Variants in PHC2 observed in about 807,000 individuals in gnomAD.
PHC2 encodes polyhomeotic homolog 2.
A neutral mutation model predicts 87.4 loss-of-function variants in PHC2; 29 were observed. The ratio of observed to expected loss-of-function variants is 0.33; its 90% CI spans 0.25 to 0.45. The LOEUF is 0.45. Among genes scored for constraint, PHC2 ranks in the 20% least tolerant of loss-of-function variants. PHC2 has a pLI of 1.00. For missense variants in PHC2, 857 were observed against 1,136.7 expected, an observed-to-expected ratio of 0.75 and a Z score of 3.54; for synonymous variants, 438 against 461.7, an observed-to-expected ratio of 0.95 and a Z score of 0.66.
At position 33,420,475 on chromosome 1, in the gene PHC2, A is replaced by G. The variant is rs148598846; in HGVS notation, c.-55+10501T>C. 3.9e-3 allele frequency among the ~76,000 whole-genome samples: 594 copies of G among 152,298 alleles called. 3 individuals carry two copies. Among genetic ancestry groups the G allele is most frequent in the Admixed American group, 7.6e-3 (116 of 15,302 alleles). ...ATTGAAAAAAATCAGCTCACTCTTA[A>G]TGACCACAGGTACTGGAACTCAAAG... On this transcript the variant is annotated intron_variant, in intron 1 of 14. Coordinates refer to ENST00000683057, the MANE Select transcript of PHC2 (RefSeq NM_001385109.1).
chr1:33,325,525 A>G (rs527769830), intron 14 of PHC2: 82 of 199,330 alleles, frequency 4.1e-4, no homozygotes, highest in Non-Finnish European at 6.6e-4. Context: ...GACCTCAGAC[A>G]CTGCAGCCTG....
In PHC2 at chr1:33,425,359, A is replaced by G. The variant is rs556486258; in HGVS notation, c.-55+5617T>C. Among the ~76,000 whole-genome samples, 4 of 152,368 alleles carry G rather than the reference A, an allele frequency of 2.6e-5. No individual in the cohort carries two copies. In the South Asian group the frequency reaches 8.3e-4, roughly 32 times the overall value. Reference sequence around the variant, plus strand: ...GAAACAAGGCTGGATACTTTGCAATATACCTACGTTTTATAAAGAATAAAG... The same window carrying G: ...GAAACAAGGCTGGATACTTTGCAATGTACCTACGTTTTATAAAGAATAAAG... On this transcript the variant is annotated intron_variant, in intron 1 of 14. Coordinates refer to ENST00000683057, the MANE Select transcript of PHC2 (RefSeq NM_001385109.1).
chr1:33,397,167 G>T (rs1649328715), intron 1 of PHC2, among the ~76,000 whole-genome samples: 1 of 152,166 alleles, frequency 6.6e-6, no homozygotes, highest in Non-Finnish European at 1.5e-5. Flanking sequence ...TCAGCACAGG[G>T]TCTGGCAGCA....
chr1:33,379,970 C>T (rs1648414987), intron 1 of PHC2, among the ~76,000 whole-genome samples: 1 of 152,174 alleles, frequency 6.6e-6, no homozygotes, highest in Non-Finnish European at 1.5e-5. Context: ...CATCTGCCAT[C>T]CCAGGCTTGA....
intron 9 of PHC2, among the ~76,000 whole-genome samples, chr1:33,339,469 G>A (rs1044331395): frequency 2.0e-5 from 3 of 152,092 alleles, no homozygotes; most frequent in Admixed American, 6.6e-5. Flanking sequence ...ATGTCTTCCT[G>A]TTACAGTGGG....
intron 9 of PHC2, chr1:33,347,712 T>C: frequency 1.0e-6 from 1 of 985,472 alleles, no homozygotes; most frequent in Non-Finnish European, 1.2e-6. Context: ...CTTCCCTGTG[T>C]GCATGGACGA....
At chr1:33,350,780 A>G (rs957884960) in intron 9 of PHC2, among the ~76,000 whole-genome samples, 3 of 151,742 alleles carry the variant, frequency 2.0e-5, no homozygotes, top group Admixed American at 6.6e-5. Context: ...ACATTCCCCG[A>G]ATATTTACTT....
At chr1:33,348,726 G>A (rs1031785495) in intron 9 of PHC2, among the ~76,000 whole-genome samples, 6 of 152,184 alleles carry the variant, frequency 3.9e-5, no homozygotes, top group Non-Finnish European at 8.8e-5. Context: ...TGATTTGTAA[G>A]GGAAGAAAAA....
intron 7 of PHC2, chr1:33,363,980 C>T (rs1647283402): frequency 1.2e-6 from 1 of 825,280 alleles, no homozygotes; most frequent in Admixed American, 6.2e-5. Context: ...AGGCTCTGTT[C>T]TCCGCCCCTT....
chr1:33,389,197 G>C (rs997586452), intron 1 of PHC2, among the ~76,000 whole-genome samples: 1 of 152,086 alleles, frequency 6.6e-6, no homozygotes, highest in Non-Finnish European at 1.5e-5. Flanking sequence ...GGGTGCGAAA[G>C]AGACGAAGCT....
At chr1:33,418,689 T>A (rs1292029369) in intron 1 of PHC2, among the ~76,000 whole-genome samples, 2 of 152,210 alleles carry the variant, frequency 1.3e-5, no homozygotes, top group Non-Finnish European at 2.9e-5. Flanking sequence ...ATGCCAATAC[T>A]ATATAAACTC....
At chr1:33,373,137 G>GA (rs1157462675) in intron 2 of PHC2, among the ~76,000 whole-genome samples, 1 of 152,104 alleles carries the variant, frequency 6.6e-6, no homozygotes, top group African/African-American at 2.4e-5. Flanking sequence ...TTGGAGGGGG[G>GA]ATGGAGTTTC....
At chr1:33,385,534 A>G (rs1345774543) in intron 1 of PHC2, among the ~76,000 whole-genome samples, 1 of 152,218 alleles carries the variant, frequency 6.6e-6, no homozygotes, top group East Asian at 1.9e-4. Context: ...AATAGGTAAA[A>G]CAATGCATTT....
intron 2 of PHC2, among the ~76,000 whole-genome samples, chr1:33,374,452 G>A (rs1309415377): frequency 1.3e-5 from 2 of 152,238 alleles, no homozygotes; most frequent in East Asian, 3.8e-4. Flanking sequence ...TAAGCACGAG[G>A]TAGAAATAAG....
chr1:33,338,462 A>G (rs1016313935), intron 9 of PHC2, among the ~76,000 whole-genome samples: 2 of 152,182 alleles, frequency 1.3e-5, no homozygotes, highest in Non-Finnish European at 2.9e-5. Context: ...TTCGCTTTGC[A>G]GTCATCTTGT....
chr1:33,375,239 A>T, intron 2 of PHC2, 127 bp downstream of exon 2: 2 of 727,960 alleles, frequency 2.7e-6, no homozygotes, highest in Non-Finnish European at 4.2e-6. Context: ...GTATCTACGA[A>T]CTCACTCCCA....
chr1:33,356,573 G>A (rs1293989188), intron 7 of PHC2, among the ~76,000 whole-genome samples: 2 of 151,850 alleles, frequency 1.3e-5, no homozygotes, highest in African/African-American at 4.8e-5. Context: ...ACCCTGAGTG[G>A]ACACAGCACA....
intron 9 of PHC2, chr1:33,347,900 C>T (rs1646875450): frequency 1.8e-5 from 3 of 166,404 alleles, no homozygotes; most frequent in African/African-American, 7.2e-5. Flanking sequence ...GGGGCTGGAA[C>T]TTAGGTACAG....
intron 1 of PHC2, among the ~76,000 whole-genome samples, chr1:33,429,347 C>T (rs938217497): frequency 2.0e-5 from 3 of 152,158 alleles, no homozygotes; most frequent in Non-Finnish European, 2.9e-5. Context: ...TAGAAAGTTA[C>T]ATTACAGAGG....
Sources: gnomAD v4.1 joint callset for allele counts (sites outside exome capture counted in the v4.1 genomes callset) on GRCh38, gnomAD v4.1.1 for gene constraint, MANE v1.5 for transcripts, NCBI Gene and HGNC (gene_info 2026-07-23, HGNC 2026-07-21) for gene names.